TBC1D9: variants seen among roughly 807,000 people sequenced by gnomAD.
TBC1D9 encodes TBC1 domain family member 9.
In TBC1D9, 63 loss-of-function variants were observed where a neutral mutation model predicts 132.0. That is an observed-to-expected ratio of 0.48 (90% CI 0.39 to 0.59). The LOEUF (loss-of-function observed/expected upper bound fraction) is 0.59, where lower values mean the gene tolerates loss of function less well. Among genes scored for constraint, TBC1D9 ranks in the 20% least tolerant of loss-of-function variants. The pLI, the probability that TBC1D9 is intolerant of heterozygous loss-of-function variation, is 0.00. For missense variants in TBC1D9, 1,261 were observed against 1,592.7 expected (o/e 0.79, Z 3.54); for synonymous variants, 610 against 609.9 (o/e 1.00, Z 0.00).
At chr4:140,662,517 A>G (rs1252959061) in intron 9 of TBC1D9, among the ~76,000 whole-genome samples, 1 of 152,210 alleles carries the variant, frequency 6.6e-6, no homozygotes, top group Non-Finnish European at 1.5e-5. Context: ...TGGTTTCATT[A>G]AGATTTCACT....
intron 1 of TBC1D9, among the ~76,000 whole-genome samples, chr4:140,741,452 C>G (rs1738756717): frequency 6.6e-6 from 1 of 152,254 alleles, no homozygotes; most frequent in Middle Eastern, 3.4e-3. Flanking sequence ...TGTGGTGCCT[C>G]ACGCCTGTAA....
chr4:140,669,183 G>A, intron 8 of TBC1D9, 116 bp from the exon 9 acceptor site: 1 of 1,064,802 alleles, frequency 9.4e-7, no homozygotes, highest in South Asian at 1.7e-5. Flanking sequence ...CCAGAAAGAA[G>A]TCATGAGAAA....
chr4:140,639,494 A>G (rs1305419760), intron 13 of TBC1D9, 66 bp from the exon 14 acceptor site: 1 of 1,116,998 alleles, frequency 9.0e-7, no homozygotes, highest in East Asian at 2.5e-5. Flanking sequence ...CTGTCTGCAG[A>G]ATGCCTGCAA....
intron 2 of TBC1D9, among the ~76,000 whole-genome samples, chr4:140,687,321 A>ATATATGTGTG (rs1553970627): frequency 2.7e-4 from 26 of 97,444 alleles, no homozygotes; most frequent in Non-Finnish European, 3.9e-4. Context: ...ATATATATAT[A>ATATATGTGTG]TGTGTGTGTG....
chr4:140,671,686 G>A (rs1159539087), intron 6 of TBC1D9, among the ~76,000 whole-genome samples: 2 of 150,394 alleles, frequency 1.3e-5, no homozygotes, highest in Non-Finnish European at 1.5e-5. Context: ...GTGTGTGTGT[G>A]TGTGTGTGTG....
At chr4:140,688,160 G>T (rs1737818780) in intron 2 of TBC1D9, among the ~76,000 whole-genome samples, 1 of 152,096 alleles carries the variant, frequency 6.6e-6, no homozygotes, top group Admixed American at 6.6e-5. Context: ...AGCATACATT[G>T]CTCCTCTTCC....
chr4:140,657,008 T>A, intron 13 of TBC1D9, 89 bp downstream of exon 13: 1 of 1,447,354 alleles, frequency 6.9e-7, no homozygotes. Flanking sequence ...GCCCAGTCTG[T>A]GGTATTCTGT....
At chr4:140,692,010 T>C (rs1479680490) in intron 2 of TBC1D9, among the ~76,000 whole-genome samples, 1 of 152,212 alleles carries the variant, frequency 6.6e-6, no homozygotes, top group Non-Finnish European at 1.5e-5. Context: ...TCTTTTGTGA[T>C]GCATGATTCA....
At chr4:140,649,658 G>C (rs1405847115) in intron 13 of TBC1D9, among the ~76,000 whole-genome samples, 1 of 152,166 alleles carries the variant, frequency 6.6e-6, no homozygotes, top group African/African-American at 2.4e-5. Context: ...GACTTCTATG[G>C]GGGTGGCGTC....
chr4:140,752,129 C>A (rs118083113), intron 1 of TBC1D9, among the ~76,000 whole-genome samples: 4 of 152,218 alleles, frequency 2.6e-5, no homozygotes, highest in African/African-American at 9.6e-5. Flanking sequence ...ATGACCATAG[C>A]CACATTATCC....
chr4:140,710,390 G>T (rs974147973), intron 1 of TBC1D9, among the ~76,000 whole-genome samples: 6 of 152,144 alleles, frequency 3.9e-5, no homozygotes, highest in African/African-American at 7.2e-5. Flanking sequence ...AGAATTTTAA[G>T]CAGTATTCTG....
intron 1 of TBC1D9, among the ~76,000 whole-genome samples, chr4:140,727,542 A>G (rs892381412): frequency 1.2e-4 from 18 of 152,250 alleles, no homozygotes; most frequent in Non-Finnish European, 2.4e-4. Flanking sequence ...CATAAAGGGC[A>G]CATATATTAC....
chr4:140,694,336 C>T (rs766351437), intron 2 of TBC1D9, among the ~76,000 whole-genome samples: 15 of 152,140 alleles, frequency 9.9e-5, no homozygotes, highest in African/African-American at 3.1e-4. Flanking sequence ...TTCGGGAGGC[C>T]GAGGTGGGTG....
At chr4:140,703,358 C>T (rs1482654639) in intron 1 of TBC1D9, among the ~76,000 whole-genome samples, 1 of 152,168 alleles carries the variant, frequency 6.6e-6, no homozygotes, top group Non-Finnish European at 1.5e-5. Context: ...AAATAAGACC[C>T]TGATATGCAC....
At chr4:140,709,301 A>G (rs948315441) in intron 1 of TBC1D9, among the ~76,000 whole-genome samples, 1 of 145,398 alleles carries the variant, frequency 6.9e-6, no homozygotes. Context: ...CCAATTCATC[A>G]TTGTTCGTCA....
chr4:140,728,981 A>G (rs907137568), intron 1 of TBC1D9, among the ~76,000 whole-genome samples: 2 of 152,104 alleles, frequency 1.3e-5, no homozygotes, highest in Non-Finnish European at 2.9e-5. Context: ...ACTTCTCTGG[A>G]TGAAAACTGA....
At position 140,621,441 on chromosome 4, in the gene TBC1D9, G is replaced by A. The variant is rs1197846484; in HGVS notation, c.*754C>T. On this transcript the variant is annotated 3_prime_UTR_variant, in exon 21 of 21. Transcript: ENST00000442267. ...CTTTGCTGCTACTTTCAGATTCTCT[G>A]TGACAAAAGACTGTTACTTTTCACT... 1 of 152,214 alleles carries A rather than the reference G, an allele frequency of 6.6e-6. No homozygotes were observed. The highest frequency in any genetic ancestry group is 2.4e-5 in the African/African-American group (1 of 41,450). The allele number at this position is 152,214 out of a possible 1,614,324, so 9.4% of individuals were successfully genotyped here. A position where few individuals can be genotyped will look rare whatever the true frequency, so the allele number is the denominator to read the frequency against.
At chr4:140,680,806 G>T (rs1024184165) in intron 3 of TBC1D9, among the ~76,000 whole-genome samples, 16 of 151,988 alleles carry the variant, frequency 1.1e-4, no homozygotes, top group Non-Finnish European at 1.5e-4. Flanking sequence ...TAGAATTCCT[G>T]CTTTTTGGGC....
At chr4:140,663,029 G>A (rs998555563) in intron 9 of TBC1D9, among the ~76,000 whole-genome samples, 4 of 152,074 alleles carry the variant, frequency 2.6e-5, no homozygotes, top group Non-Finnish European at 5.9e-5. Context: ...CCAATAGCAC[G>A]GGCAGCAAAA....
Sources: gnomAD v4.1 joint callset for allele counts (sites outside exome capture counted in the v4.1 genomes callset) on GRCh38, gnomAD v4.1.1 for gene constraint, MANE v1.5 for transcripts, NCBI Gene and HGNC (gene_info 2026-07-23, HGNC 2026-07-21) for gene names.